ZNF707: variants seen among roughly 807,000 people sequenced by gnomAD.
The protein encoded by ZNF707 is zinc finger protein 707.
Under a neutral mutation model 13.3 loss-of-function variants are expected in ZNF707, and 8 were observed. That is an observed-to-expected ratio of 0.60 (90% CI 0.35 to 1.09). The LOEUF (loss-of-function observed/expected upper bound fraction) is 1.09, where lower values mean the gene tolerates loss of function less well. ZNF707 is among the 50% of genes least tolerant of loss of function. ZNF707 has a pLI of 0.02. For synonymous variants in ZNF707, 225 were observed against 205.6 expected (o/e 1.09, Z -0.81); for missense variants, 530 against 512.6 (o/e 1.03, Z -0.33).
In ZNF707 at chr8:143,694,398, C is replaced by T. The variant is rs375422136; in HGVS notation, c.984C>T (p.Pro328=). ...CAECGKSFRW[P]KGFSIHRRLH... ...AGTGCGGCAAGTCCTTCCGGTGGCC[C>T]AAGGGCTTCAGCATCCACCGGAGGC... The change falls in exon 6 of 6, where the codon CCC becomes CCT. Residue 328 remains proline, a synonymous_variant. Coordinates refer to ENST00000358656, the MANE Select transcript of ZNF707 (RefSeq NM_001100598.2). The surrounding 1 kb of genome is among the most constrained non-coding windows in gnomAD (Gnocchi z 4.4). 13 of 1,612,274 alleles carry T rather than the reference C, an allele frequency of 8.1e-6. No individual in the cohort carries two copies. Among genetic ancestry groups the T allele is most frequent in the Non-Finnish European group, 1.0e-5 (12 of 1,179,530 alleles).
chr8:143,691,738 G>T (rs371313146), intron 5 of ZNF707, 25 bp downstream of exon 5: 73 of 1,542,538 alleles, frequency 4.7e-5, no homozygotes, highest in Non-Finnish European at 6.2e-5. Context: ...GTCTGGGCTC[G>T]GCGGGCCCCG....
chr8:143,691,970 G>A (rs1554613777), intron 5 of ZNF707: 2 of 1,414,716 alleles, frequency 1.4e-6, no homozygotes, highest in Admixed American at 2.0e-5. Flanking sequence ...AGGGGCCTGA[G>A]GCTGGAGTGA....
At chr8:143,692,044 G>C (rs1816857888) in intron 5 of ZNF707, 1 of 1,392,948 alleles carries the variant, frequency 7.2e-7, no homozygotes, top group Non-Finnish European at 9.5e-7. Flanking sequence ...GTGGGTGTCT[G>C]ACCTCCCTGT....
At position 143,693,753 on chromosome 8, in the gene ZNF707, A is replaced by G; in HGVS notation, c.339A>G (p.Arg113=). 6.2e-7 allele frequency: 1 copy of G among 1,613,142 alleles called. No homozygotes were observed. The highest frequency in any genetic ancestry group is 8.5e-7 in the Non-Finnish European group (1 of 1,179,810). ...AHKKTHVRRE[R]AREGSSFRKG... is the part of the protein sequence containing the mutation. ...AGAAAACCCACGTGCGGCGAGAAAG[A>G]GCCAGGGAAGGAAGCAGCTTTAGGA... is the stretch of plus-strand genomic sequence containing the variant. The change falls in exon 6 of 6, where the codon AGA becomes AGG. Residue 113 remains arginine (R), a synonymous_variant. Coordinates refer to ENST00000358656, the MANE Select transcript of ZNF707 (RefSeq NM_001100598.2). The surrounding 1 kb of genome is among the most constrained non-coding windows in gnomAD (Gnocchi z 4.1).
chr8:143,691,635 C>G lies in ZNF707; in HGVS notation c.178C>G (p.Leu60Val), dbSNP rs1554613651. Residue 60 changes from leucine to valine, a missense_variant, in exon 5 of 6, where the codon CTG (leucine) becomes GTG (valine). Leu to Val is a conservative substitution (Grantham distance 32). Coordinates refer to ENST00000358656, the MANE Select transcript of ZNF707 (RefSeq NM_001100598.2). ...CCCCAGACCAGACCTCGTCTCTCGC[C>G]TGGAACAGTGGGAGGAGCCGTGGGT... ...CSPRPDLVSRLEQWEEPWVED... is the reference protein window; with the variant it reads ...CSPRPDLVSRVEQWEEPWVED... The G allele has an allele frequency of 6.2e-7, 1 of 1,609,862 alleles. No individual in the cohort carries two copies. Among genetic ancestry groups the G allele is most frequent in the Non-Finnish European group, 8.5e-7 (1 of 1,178,520 alleles).
In ZNF707 at chr8:143,694,278, C is replaced by T; in HGVS notation, c.864C>T (p.Phe288=). 6.3e-7 allele frequency: 1 copy of T among 1,597,068 alleles called. No homozygotes were observed. Among genetic ancestry groups the T allele is most frequent in the Admixed American group, 1.7e-5 (1 of 58,352 alleles). The stretch of plus-strand genomic sequence containing the variant: ...TGGTGCACACCGGGGAGCGGCCGTT[C>T]TACTGCGCGGACTGCGGCAAAGCCT... ...HQLVHTGERP[F]YCADCGKAFR... Residue 288 remains phenylalanine (F), a synonymous_variant, in exon 6 of 6, where the codon TTC becomes TTT. Transcript: ENST00000358656. The surrounding 1 kb of genome is among the most constrained non-coding windows in gnomAD (Gnocchi z 4.4).
chr8:143,692,323 G>A (rs1816888855), intron 5 of ZNF707: 2 of 1,289,546 alleles, frequency 1.6e-6, no homozygotes, highest in Non-Finnish European at 2.0e-6. Flanking sequence ...GGAGTGTCAG[G>A]TTCCTAGGTG....
chr8:143,693,928 G>A lies in ZNF707; in HGVS notation c.514G>A (p.Val172Ile), dbSNP rs782362747. 28 of 1,608,138 alleles carry A rather than the reference G, an allele frequency of 1.7e-5. No homozygotes were observed. In the South Asian group the frequency reaches 3.1e-4, roughly 18 times the overall value. ...CAGAGAGCGCCGGAAGCAGCGCGCA[G>A]TAGAGCTGTCATTCATCTGCGGCAC... ...GRRERRKQRA[V>I]ELSFICGTCG... Residue 172 changes from valine (V) to isoleucine (I), a missense_variant, in exon 6 of 6, where the codon GTA (valine) becomes ATA (isoleucine). Physicochemically the swap from Val to Ile is conservative, Grantham distance 29. Transcript: ENST00000358656. The surrounding 1 kb of genome is among the most constrained non-coding windows in gnomAD (Gnocchi z 4.1).
chr8:143,685,316 G>C (rs373574616), intron 1 of ZNF707, among the ~76,000 whole-genome samples: 1 of 152,136 alleles, frequency 6.6e-6, no homozygotes, highest in Non-Finnish European at 1.5e-5. Flanking sequence ...TTGAGTCCAG[G>C]AGTTCTAGAC....
At chr8:143,690,175 T>C in intron 3 of ZNF707, 52 bp downstream of exon 3, 3 of 1,597,616 alleles carry the variant, frequency 1.9e-6, no homozygotes, top group Admixed American at 1.7e-5. Flanking sequence ...GCTGGCTGCC[T>C]GAGACCCCAG....
rs1408818675 is a variant in ZNF707 at position 143,694,798 on chromosome 8, AGT to A, written c.*272_*273del. The A allele has an allele frequency of 2.7e-5, 12 of 443,934 alleles. No homozygotes were observed. The highest frequency in any genetic ancestry group is 2.2e-4 in the African/African-American group (11 of 49,806). 27.5% of individuals were successfully genotyped at this position (443,934 alleles called of 1,614,324 possible). A position where few individuals can be genotyped will look rare whatever the true frequency, so the allele number is the denominator to read the frequency against. On this transcript the variant is annotated 3_prime_UTR_variant, in exon 6 of 6. Transcript: ENST00000358656. The surrounding 1 kb of genome is among the most constrained non-coding windows in gnomAD (Gnocchi z 4.4). ...CCGGGCATCCTGGGGATGTGCTGAG[AGT>A]GTGCGCGACCCCGGAGCCACGTGCC...
chr8:143,694,033 C>A lies in ZNF707; in HGVS notation c.619C>A (p.Pro207Thr). The change falls in exon 6 of 6, where the codon CCC (proline) becomes ACC (threonine). Residue 207 changes from proline (P) to threonine (T), a missense_variant. Transcript: ENST00000358656. The surrounding 1 kb of genome is among the most constrained non-coding windows in gnomAD (Gnocchi z 4.4). ...CACGGGAACCAAGGCCTTCGAGTGC[C>A]CCGAGTGCGGCCAGACCTTCCGGTG... ...VHTGTKAFECPECGQTFRWAS... is the reference protein window; with the variant it reads ...VHTGTKAFECTECGQTFRWAS... 6.2e-7 allele frequency: 1 copy of A among 1,606,552 alleles called. No homozygotes were observed. The highest frequency in any genetic ancestry group is 2.2e-5 in the East Asian group (1 of 44,708).
rs782325840 is a variant in ZNF707, at chr8:143,693,881, G to C, written c.467G>C (p.Arg156Pro). ...TAFPCQVLTQ[R>P]CGRRPGRRER... ...TTCCCGTGTCAGGTGCTCACGCAGC[G>C]TTGTGGGCGGCGGCCGGGCCGCAGA... The change falls in exon 6 of 6, where the codon CGT becomes CCT. Residue 156 changes from arginine (R) to proline (P), a missense_variant. Arg to Pro is a moderately radical substitution (Grantham distance 103, BLOSUM62 -2). Coordinates refer to ENST00000358656, the MANE Select transcript of ZNF707 (RefSeq NM_001100598.2). This position sits in a 1 kb window ranked among gnomAD's most constrained non-coding sequence, Gnocchi z 4.1. 6.2e-7 allele frequency: 1 copy of C among 1,607,352 alleles called. No individual in the cohort carries two copies.
At chr8:143,692,253 G>A in intron 5 of ZNF707, 1 of 1,290,102 alleles carries the variant, frequency 7.8e-7, no homozygotes, top group South Asian at 1.2e-5. Context: ...AGAGTGGGAT[G>A]GAGCAGCTAT....
Position 143,693,681 on chromosome 8 carries a change from G to A in ZNF707, c.267G>A (p.Lys89=). Reference sequence around the variant, plus strand: ...CTGTTCCTTCCACAGGGGCAAGGAAGTCTGCAGACCCCAAGAGACCTTGTG... The same window carrying A: ...CTGTTCCTTCCACAGGGGCAAGGAAATCTGCAGACCCCAAGAGACCTTGTG... The part of the protein sequence containing the change: ...VQRGPRPGAR[K]SADPKRPCDH... The change falls in exon 6 of 6, where the codon AAG becomes AAA. Residue 89 remains lysine (K), a synonymous_variant. Coordinates refer to ENST00000358656, the MANE Select transcript of ZNF707 (RefSeq NM_001100598.2). The surrounding 1 kb of genome is among the most constrained non-coding windows in gnomAD (Gnocchi z 4.1). The A allele has an allele frequency of 6.3e-7, 1 of 1,587,734 alleles. No homozygotes were observed. Among genetic ancestry groups the A allele is most frequent in the Non-Finnish European group, 8.6e-7 (1 of 1,168,080 alleles).
chr8:143,693,887 G>A lies in ZNF707; in HGVS notation c.473G>A (p.Gly158Glu). 1 of 1,606,556 alleles carries A rather than the reference G, an allele frequency of 6.2e-7. No homozygotes were observed. The highest frequency in any genetic ancestry group is 8.5e-7 in the Non-Finnish European group (1 of 1,175,756). ...TGTCAGGTGCTCACGCAGCGTTGTG[G>A]GCGGCGGCCGGGCCGCAGAGAGCGC... ...FPCQVLTQRC[G>E]RRPGRRERRK... The change falls in exon 6 of 6, where the codon GGG becomes GAG. Residue 158 changes from glycine to glutamate, a missense_variant. Coordinates refer to ENST00000358656, the MANE Select transcript of ZNF707 (RefSeq NM_001100598.2). This position sits in a 1 kb window ranked among gnomAD's most constrained non-coding sequence, Gnocchi z 4.1.
At chr8:143,690,013 A>C in intron 2 of ZNF707, 44 bp from the exon 3 acceptor site, 1 of 1,554,914 alleles carries the variant, frequency 6.4e-7, no homozygotes, top group Non-Finnish European at 8.8e-7. Context: ...TGCGGGGGGC[A>C]TTCCCAGGCC....
intron 4 of ZNF707, 119 bp downstream of exon 4, chr8:143,691,318 A>G: frequency 6.9e-7 from 1 of 1,444,442 alleles, no homozygotes. Flanking sequence ...GGGGCTCAGG[A>G]GCTAGAAGTT....
intron 5 of ZNF707, chr8:143,692,013 TG>T (rs1816854395): frequency 7.0e-7 from 1 of 1,435,498 alleles, no homozygotes; most frequent in Non-Finnish European, 9.2e-7. Context: ...ACCCAGGTGC[TG>T]TCCGGCGGAG....
Sources: allele counts gnomAD v4.1 joint callset (sites outside exome capture counted in the v4.1 genomes callset), GRCh38; gene constraint gnomAD v4.1.1; non-coding constraint Gnocchi (gnomAD v3.1); transcripts MANE v1.5; gene names NCBI Gene and HGNC (gene_info 2026-07-23, HGNC 2026-07-21).